Variants in PPARG observed in about 807,000 individuals in gnomAD.
PPARG encodes the protein peroxisome proliferator activated receptor gamma, also known as peroxisome proliferator-activated receptor gamma.
PPARG carries 17 observed loss-of-function variants against 39.2 expected under a neutral mutation model. The observed-to-expected ratio is 0.43, with a 90% confidence interval of 0.30 to 0.65. The LOEUF (loss-of-function observed/expected upper bound fraction) is 0.65. Ranked by LOEUF, PPARG falls within the 30% of genes least tolerant of loss-of-function variation. The pLI is 0.13. For missense variants in PPARG, 406 were observed against 585.9 expected (o/e 0.69, Z 3.17); for synonymous variants, 223 against 215.7 (o/e 1.03, Z -0.30).
chr3:12,340,199 G>A (rs977515391), intron 2 of PPARG, among the ~76,000 whole-genome samples: 1 of 152,184 alleles, frequency 6.6e-6, no homozygotes, highest in African/African-American at 2.4e-5. Context: ...AAGGAGTTGT[G>A]CTCTTTGGAT....
intron 4 of PPARG, among the ~76,000 whole-genome samples, chr3:12,386,152 A>T (rs1204143149): frequency 1.3e-5 from 2 of 152,204 alleles, no homozygotes; most frequent in African/African-American, 4.8e-5. Flanking sequence ...GTGTTATTAG[A>T]GTGTTTCTTC....
intron 1 of PPARG, among the ~76,000 whole-genome samples, chr3:12,308,509 A>G (rs1038004383): frequency 1.3e-5 from 2 of 152,154 alleles, no homozygotes; most frequent in Admixed American, 6.5e-5. Context: ...TATTGAGCCA[A>G]TCGTTATGCA....
At chr3:12,328,606 A>G (rs1428333746) in intron 2 of PPARG, among the ~76,000 whole-genome samples, 2 of 152,212 alleles carry the variant, frequency 1.3e-5, no homozygotes, top group Non-Finnish European at 2.9e-5. Context: ...AATAAAAAGC[A>G]TCTGTCCCAC....
At chr3:12,417,888 C>CTTTTTTTTTTTTTTTT (rs1240237792) in intron 7 of PPARG, among the ~76,000 whole-genome samples, 1 of 64,066 alleles carries the variant, frequency 1.6e-5, no homozygotes, top group Non-Finnish European at 2.9e-5. Context: ...TTTTTTTTTT[C>CTTTTTTTTTTTTTTTT]TTTTTTTTTT....
chr3:12,344,308 T>C (rs546621291), intron 2 of PPARG, among the ~76,000 whole-genome samples: 18 of 152,230 alleles, frequency 1.2e-4, no homozygotes, highest in African/African-American at 4.1e-4. Context: ...CTTTTACTAA[T>C]GCTGCTTTAA....
intron 7 of PPARG, among the ~76,000 whole-genome samples, chr3:12,426,274 C>T (rs535602799): frequency 2.6e-4 from 40 of 152,282 alleles, no homozygotes; most frequent in Middle Eastern, 3.4e-3. Context: ...CACTTCAGAG[C>T]GAAGGCTCTA....
chr3:12,397,553 G>A (rs1212570176), intron 5 of PPARG, among the ~76,000 whole-genome samples: 1 of 151,696 alleles, frequency 6.6e-6, no homozygotes, highest in East Asian at 1.9e-4. Context: ...TGGGACTACA[G>A]GCGCCTGCCA....
intron 2 of PPARG, among the ~76,000 whole-genome samples, chr3:12,372,420 C>T (rs1449565302): frequency 6.6e-6 from 1 of 152,146 alleles, no homozygotes; most frequent in Non-Finnish European, 1.5e-5. Context: ...ACTTCCAGGT[C>T]CATGCCTCAG....
At chr3:12,432,085 A>G (rs1418567671) in intron 7 of PPARG, among the ~76,000 whole-genome samples, 1 of 152,232 alleles carries the variant, frequency 6.6e-6, no homozygotes, top group Non-Finnish European at 1.5e-5. Context: ...TATGGAAGAA[A>G]AATTAAAGAT....
At chr3:12,361,547 A>C (rs2048847471) in intron 2 of PPARG, among the ~76,000 whole-genome samples, 1 of 152,216 alleles carries the variant, frequency 6.6e-6, no homozygotes, top group East Asian at 1.9e-4. Context: ...GCAAGGGTTT[A>C]TCTCTTTCAT....
At chr3:12,309,725 A>C (rs1388872406) in intron 1 of PPARG, among the ~76,000 whole-genome samples, 4 of 152,220 alleles carry the variant, frequency 2.6e-5, no homozygotes, top group Admixed American at 2.6e-4. Context: ...TCTTAAGTCA[A>C]CTTCACCATT....
At chr3:12,433,657 C>G (rs963321878) in intron 7 of PPARG, among the ~76,000 whole-genome samples, 1 of 152,142 alleles carries the variant, frequency 6.6e-6, no homozygotes, top group Non-Finnish European at 1.5e-5. Context: ...GCTGACCACA[C>G]AGATTACATC....
intron 2 of PPARG, among the ~76,000 whole-genome samples, chr3:12,361,998 A>G (rs1252476002): frequency 1.3e-5 from 2 of 152,144 alleles, no homozygotes; most frequent in African/African-American, 2.4e-5. Context: ...ATTTTTTTAA[A>G]TAGTATATTT....
chr3:12,354,613 C>T (rs1275524673), intron 2 of PPARG, among the ~76,000 whole-genome samples: 8 of 151,764 alleles, frequency 5.3e-5, no homozygotes, highest in African/African-American at 1.5e-4. Flanking sequence ...ATTAGCCAGG[C>T]GTGGTGGTGG....
chr3:12,309,926 C>T (rs1467917028), intron 1 of PPARG, among the ~76,000 whole-genome samples: 1 of 152,130 alleles, frequency 6.6e-6, no homozygotes, highest in Non-Finnish European at 1.5e-5. Context: ...AGTTCTCTGG[C>T]TTCTAGGGAT....
chr3:12,426,381 C>G (rs1158724460), intron 7 of PPARG, among the ~76,000 whole-genome samples: 1 of 152,162 alleles, frequency 6.6e-6, no homozygotes, highest in African/African-American at 2.4e-5. Context: ...ATGTCATCCC[C>G]TTTCCCTGAA....
intron 4 of PPARG, among the ~76,000 whole-genome samples, chr3:12,384,490 C>A (rs2049801484): frequency 6.6e-6 from 1 of 151,906 alleles, no homozygotes; most frequent in Admixed American, 6.6e-5. Context: ...TAGTATGTAC[C>A]AGATACTATG....
chr3:12,299,553 G>T (rs2046876680), intron 1 of PPARG, among the ~76,000 whole-genome samples: 1 of 152,136 alleles, frequency 6.6e-6, no homozygotes, highest in African/African-American at 2.4e-5. Flanking sequence ...GATTTCAGAG[G>T]AGGTAAGAAT....
Position 12,406,105 on chromosome 3 carries a change from A to T in PPARG, c.729+24A>T, listed in dbSNP as rs1033707796. The T allele has an allele frequency of 1.9e-6, 3 of 1,611,476 alleles. No individual in the cohort carries two copies. In the African/African-American group the frequency reaches 4.0e-5, roughly 22 times the overall value. ...CAGTTAGTTCTCTTCTGCTGTCTTCATTGGGGGAGGCGGGAAGTTGTTTTG... is the reference window on the plus strand; with the variant it reads ...CAGTTAGTTCTCTTCTGCTGTCTTCTTTGGGGGAGGCGGGAAGTTGTTTTG... On this transcript the variant is annotated intron_variant, in intron 6 of 7. Coordinates refer to ENST00000651735, the MANE Select transcript of PPARG (RefSeq NM_138711.6).
Sources: gnomAD v4.1 joint callset for allele counts (sites outside exome capture counted in the v4.1 genomes callset) on GRCh38, gnomAD v4.1.1 for gene constraint, MANE v1.5 for transcripts, NCBI Gene and HGNC (gene_info 2026-07-23, HGNC 2026-07-21) for gene names.